SGCZ: variants seen among roughly 807,000 people sequenced by gnomAD.
The protein encoded by SGCZ is zeta-sarcoglycan.
In SGCZ, 40 loss-of-function variants were observed where a neutral mutation model predicts 41.3. The ratio of observed to expected loss-of-function variants is 0.97; its 90% CI spans 0.75 to 1.26. SGCZ has a LOEUF of 1.26. Among genes scored for constraint, SGCZ ranks in the 50% most tolerant of loss-of-function variants. The probability of loss-of-function intolerance (pLI) is 0.00; values close to 1 mark genes in which losing one functional copy is unlikely to be tolerated. For synonymous variants in SGCZ, 206 were observed against 137.5 expected (o/e 1.50, Z -3.49); for missense variants, 552 against 369.8 (o/e 1.49, Z -4.04).
chr8:14,885,001 A>T (rs1238206834), intron 1 of SGCZ, among the ~76,000 whole-genome samples: 1 of 152,088 alleles, frequency 6.6e-6, no homozygotes, highest in African/African-American at 2.4e-5. Flanking sequence ...ACCCACTGCC[A>T]TGACTTTTTC....
chr8:14,679,808 C>T (rs1174915943), intron 1 of SGCZ, among the ~76,000 whole-genome samples: 1 of 152,018 alleles, frequency 6.6e-6, no homozygotes, highest in African/African-American at 2.4e-5. Flanking sequence ...TCTAGACCTG[C>T]AAGCTCCTTT....
intron 2 of SGCZ, among the ~76,000 whole-genome samples, chr8:14,356,616 A>G (rs1438745196): frequency 6.6e-6 from 1 of 152,066 alleles, no homozygotes; most frequent in Non-Finnish European, 1.5e-5. Flanking sequence ...ATATAATAGA[A>G]ATAATATAGA....
chr8:14,632,784 G>T (rs1276928393), intron 1 of SGCZ, among the ~76,000 whole-genome samples: 1 of 151,784 alleles, frequency 6.6e-6, no homozygotes, highest in Non-Finnish European at 1.5e-5. Context: ...CAAAGTAAAC[G>T]GGTCATCCTA....
chr8:14,517,848 A>G (rs1281345800), intron 2 of SGCZ, among the ~76,000 whole-genome samples: 3 of 151,628 alleles, frequency 2.0e-5, no homozygotes, highest in Non-Finnish European at 4.4e-5. Context: ...AACACATTTT[A>G]TGTAGTATTA....
chr8:14,880,919 T>G (rs1347683849), intron 1 of SGCZ, among the ~76,000 whole-genome samples: 1 of 151,748 alleles, frequency 6.6e-6, no homozygotes, highest in Non-Finnish European at 1.5e-5. Flanking sequence ...CAAACCTGCA[T>G]GTTGTGCACA....
intron 1 of SGCZ, among the ~76,000 whole-genome samples, chr8:14,769,468 C>T (rs933203362): frequency 6.6e-6 from 1 of 152,088 alleles, no homozygotes; most frequent in Admixed American, 6.5e-5. Flanking sequence ...TGTATCAGTG[C>T]TCATAAAAGG....
rs535520226 is a variant in SGCZ, at chr8:15,131,341, C to G, written c.39+106244G>C. 2.3e-3 allele frequency among the ~76,000 whole-genome samples: 344 copies of G among 152,260 alleles called. 4 individuals are homozygous for G. Among genetic ancestry groups the G allele is most frequent in the Middle Eastern group, 0.017 (5 of 294 alleles). On this transcript the variant is annotated intron_variant, in intron 1 of 7. Coordinates refer to ENST00000382080, the MANE Select transcript of SGCZ (RefSeq NM_139167.4). ...GGGGTTTCCCCTTTCACTTGGCTCT[C>G]ATTCTCTCTTGCCTGCCGCCATGTG...
chr8:14,606,009 C>G (rs1160410714), intron 1 of SGCZ, among the ~76,000 whole-genome samples: 1 of 151,866 alleles, frequency 6.6e-6, no homozygotes, highest in African/African-American at 2.4e-5. Flanking sequence ...TTCTGTATAC[C>G]TTTCTCTATG....
At chr8:14,360,819 G>C (rs544309476) in intron 2 of SGCZ, among the ~76,000 whole-genome samples, 8 of 152,216 alleles carry the variant, frequency 5.3e-5, no homozygotes, top group Admixed American at 1.3e-4. Flanking sequence ...AAATGCCGCA[G>C]AGTACAACTG....
intron 1 of SGCZ, among the ~76,000 whole-genome samples, chr8:14,825,646 A>T (rs1356577058): frequency 2.6e-5 from 4 of 152,206 alleles, no homozygotes; most frequent in Non-Finnish European, 4.4e-5. Context: ...TTATCTTAGT[A>T]CAACGGAACT....
At chr8:14,185,664 GT>G (rs1233503592) in intron 4 of SGCZ, among the ~76,000 whole-genome samples, 1 of 151,806 alleles carries the variant, frequency 6.6e-6, no homozygotes, top group Non-Finnish European at 1.5e-5. Context: ...CCATTGTTTT[GT>G]TTTGTTGTGT....
At chr8:14,715,426 AG>A (rs1300212036) in intron 1 of SGCZ, among the ~76,000 whole-genome samples, 1 of 152,146 alleles carries the variant, frequency 6.6e-6, no homozygotes, top group Non-Finnish European at 1.5e-5. Flanking sequence ...AAATTCACAA[AG>A]GTATCTGCCC....
At chr8:14,795,486 A>T (rs1339265950) in intron 1 of SGCZ, among the ~76,000 whole-genome samples, 1 of 151,886 alleles carries the variant, frequency 6.6e-6, no homozygotes, top group African/African-American at 2.4e-5. Flanking sequence ...GCTGTCACCC[A>T]TGCTGGAGTA....
chr8:14,394,143 C>CTTTTTTTTTTTTTTTTTTTTTTTTTT (rs75054512), intron 2 of SGCZ, among the ~76,000 whole-genome samples: 3 of 117,420 alleles, frequency 2.6e-5, no homozygotes, highest in Non-Finnish European at 1.7e-5. Flanking sequence ...CGCCCCCCAC[C>CTTTTTTTTTTTTTTTTTTTTTTTTTT]TTTTTTTTTT....
At chr8:14,371,415 A>G (rs2063585062) in intron 2 of SGCZ, among the ~76,000 whole-genome samples, 1 of 152,122 alleles carries the variant, frequency 6.6e-6, no homozygotes, top group South Asian at 2.1e-4. Context: ...CCTTTGCTGT[A>G]ACAATGACTT....
At chr8:15,017,073 G>C (rs990871223) in intron 1 of SGCZ, among the ~76,000 whole-genome samples, 2 of 152,076 alleles carry the variant, frequency 1.3e-5, no homozygotes, top group African/African-American at 4.8e-5. Flanking sequence ...ACTTGGAGGG[G>C]ACAAACATCC....
At chr8:14,098,961 G>A (rs908969826) in intron 7 of SGCZ, among the ~76,000 whole-genome samples, 3 of 152,018 alleles carry the variant, frequency 2.0e-5, no homozygotes, top group Admixed American at 6.6e-5. Flanking sequence ...GATTGTATTC[G>A]GCTATATTAC....
intron 1 of SGCZ, among the ~76,000 whole-genome samples, chr8:14,909,500 T>C (rs1799219880): frequency 6.6e-6 from 1 of 152,176 alleles, no homozygotes; most frequent in Admixed American, 6.5e-5. Context: ...AAATTATCTG[T>C]GTCTGATTTA....
At chr8:14,581,469 G>A (rs1390758388) in intron 1 of SGCZ, among the ~76,000 whole-genome samples, 1 of 150,856 alleles carries the variant, frequency 6.6e-6, no homozygotes, top group Non-Finnish European at 1.5e-5. Flanking sequence ...TTCCCCCACA[G>A]TGCTCAATGT....
Sources: gnomAD v4.1 joint callset for allele counts (sites outside exome capture counted in the v4.1 genomes callset) on GRCh38, gnomAD v4.1.1 for gene constraint, MANE v1.5 for transcripts, NCBI Gene and HGNC (gene_info 2026-07-23, HGNC 2026-07-21) for gene names.